ZNF655: variants seen among roughly 807,000 people sequenced by gnomAD.
The protein encoded by ZNF655 is Vav-interacting Kruppel-like protein 1.
A neutral mutation model predicts 6.6 loss-of-function variants in ZNF655; 3 were observed. The observed-to-expected ratio is 0.46, with a 90% CI of 0.21 to 1.18. ZNF655 has a LOEUF of 1.18. Ranked by LOEUF, ZNF655 falls within the 50% of genes most tolerant of loss-of-function variation. ZNF655 has a pLI of 0.24. For missense variants in ZNF655, 526 were observed against 572.3 expected (o/e 0.92, Z 0.83); for synonymous variants, 178 against 195.0 (o/e 0.91, Z 0.73).
At chr7:99,566,928 A>T (rs1803680586) in intron 2 of ZNF655, among the ~76,000 whole-genome samples, 1 of 150,282 alleles carries the variant, frequency 6.7e-6, no homozygotes, top group Non-Finnish European at 1.5e-5. Context: ...AAATAAAATA[A>T]TTTTTTTTTT....
chr7:99,564,872 C>T (rs375832154), intron 2 of ZNF655, among the ~76,000 whole-genome samples: 3 of 152,174 alleles, frequency 2.0e-5, no homozygotes. Context: ...GAGACACGCA[C>T]AGTGCAAGAA....
chr7:99,573,033 G>A lies in ZNF655; in HGVS notation c.925G>A (p.Glu309Lys). 1 of 1,614,124 alleles carries A rather than the reference G, an allele frequency of 6.2e-7. No homozygotes were observed. Among genetic ancestry groups the A allele is most frequent in the Non-Finnish European group, 8.5e-7 (1 of 1,179,998 alleles). Residue 309 changes from glutamate to lysine, a missense_variant, in exon 3 of 3, where the codon GAA becomes AAA. By Grantham distance (56) the Glu-to-Lys change is moderately conservative (BLOSUM62 1). Coordinates refer to ENST00000252713, the MANE Select transcript of ZNF655 (RefSeq NM_138494.3). ...RAKSYKCSSC[E>K]RVFSRSVHLT... is the part of the protein sequence containing the mutation. ...CAAATCTTACAAATGTAGCAGTTGT[G>A]AAAGAGTCTTCAGTCGTAGTGTCCA...
At chr7:99,560,435 T>C (rs1476307264) in intron 1 of ZNF655, 98 bp from the exon 2 acceptor site, 8 of 1,192,822 alleles carry the variant, frequency 6.7e-6, no homozygotes, top group Non-Finnish European at 8.0e-6. Flanking sequence ...TTTTATTGAA[T>C]ATCCATAGTG....
Position 99,572,519 on chromosome 7 carries a change from C to T in ZNF655, c.411C>T (p.Ser137=). ...ATGAATGTCATGAACCCGAAAAAAG[C>T]TTCAGTCTGGACTCTACTATTGATG... ...KNNECHEPEK[S]FSLDSTIDAD... Residue 137 remains serine, a synonymous_variant, in exon 3 of 3, where the codon AGC becomes AGT. Transcript: ENST00000252713. The T allele has an allele frequency of 6.2e-7, 1 of 1,613,984 alleles. No homozygotes were observed. The highest frequency in any genetic ancestry group is 8.5e-7 in the Non-Finnish European group (1 of 1,179,964).
rs1468152294 is a variant in ZNF655 at position 99,574,189 on chromosome 7, A to T, written c.*605A>T. On this transcript the variant is annotated 3_prime_UTR_variant, in exon 3 of 3. Transcript: ENST00000252713. Reference sequence around the variant, plus strand: ...AGAATTTGATGTAACGCAAATGGAAAAACTCGACACCACATTTCAGGCTTT... The same window carrying T: ...AGAATTTGATGTAACGCAAATGGAATAACTCGACACCACATTTCAGGCTTT... 1 of 152,252 alleles carries T rather than the reference A, an allele frequency of 6.6e-6. No individual in the cohort carries two copies. Among genetic ancestry groups the T allele is most frequent in the African/African-American group, 2.4e-5 (1 of 41,454 alleles). 9.4% of individuals were successfully genotyped at this position (152,252 alleles called of 1,614,324 possible).
intron 2 of ZNF655, chr7:99,561,974 G>C (rs368239230): frequency 3.2e-6 from 5 of 1,581,522 alleles, no homozygotes; most frequent in Admixed American, 1.8e-5. Flanking sequence ...CAGGTACCAG[G>C]TGAGCTGAGG....
At chr7:99,570,379 C>T (rs1047313049) in intron 2 of ZNF655, 1 of 152,190 alleles carries the variant, frequency 6.6e-6, no homozygotes, top group African/African-American at 2.4e-5. Flanking sequence ...CACAGGATTT[C>T]AGAAACACAG....
intron 2 of ZNF655, among the ~76,000 whole-genome samples, chr7:99,568,789 TTGAC>T (rs949076485): frequency 5.9e-5 from 9 of 151,560 alleles, no homozygotes; most frequent in South Asian, 2.1e-4. Context: ...TGTTGGTTGA[TTGAC>T]TGACTGACTG....
chr7:99,571,720 C>G lies in ZNF655; in HGVS notation c.137-525C>G, dbSNP rs766547001. 1.2e-6 allele frequency: 2 copies of G among 1,609,846 alleles called. No homozygotes were observed. The highest frequency in any genetic ancestry group is 3.3e-5 in the Admixed American group (2 of 59,736). On this transcript the variant is annotated intron_variant, in intron 2 of 2. Transcript: ENST00000252713. ...AATTTCCAAGCCTGATGGGATCTCCCAGCTGGAACAGGATCTACAGGTCTT... is the reference window on the plus strand; with the variant it reads ...AATTTCCAAGCCTGATGGGATCTCCGAGCTGGAACAGGATCTACAGGTCTT...
At position 99,570,663 on chromosome 7, in the gene ZNF655, C is replaced by G. The variant is rs573082028; in HGVS notation, c.137-1582C>G. ...GTATGAATGACAATACCTGAAACCA[C>G]TTAAAAAAAAATCTATGTAAACACC... On this transcript the variant is annotated intron_variant, in intron 2 of 2. Transcript: ENST00000252713. The G allele has an allele frequency of 2.6e-5, 4 of 152,162 alleles. No homozygotes were observed. The East Asian group carries it at 5.8e-4, about 22-fold the overall frequency. The allele number at this position is 152,162 out of a possible 1,614,324, so 9.4% of individuals were successfully genotyped here. A position where few individuals can be genotyped will look rare whatever the true frequency, so the allele number is the denominator to read the frequency against.
At position 99,574,532 on chromosome 7, in the gene ZNF655, G is replaced by T. The variant is rs1804291513; in HGVS notation, c.*948G>T. ...GCTGGGGTTACAGGCGTGTGTCACT[G>T]TGCTGGGCCTATTTTATTTATAGAA... On this transcript the variant is annotated 3_prime_UTR_variant, in exon 3 of 3. Transcript: ENST00000252713. 6.6e-6 allele frequency: 1 copy of T among 152,124 alleles called. No individual in the cohort carries two copies. The highest frequency in any genetic ancestry group is 1.5e-5 in the Non-Finnish European group (1 of 68,022). The allele number at this position is 152,124 out of a possible 1,614,324, so 9.4% of individuals were successfully genotyped here.
At position 99,572,520 on chromosome 7, in the gene ZNF655, T is replaced by G. The variant is rs746086228; in HGVS notation, c.412T>G (p.Phe138Val). Residue 138 changes from phenylalanine (F) to valine (V), a missense_variant, in exon 3 of 3, where the codon TTC becomes GTC. By Grantham distance (50) the Phe-to-Val change is conservative. Coordinates refer to ENST00000252713, the MANE Select transcript of ZNF655 (RefSeq NM_138494.3). ...TGAATGTCATGAACCCGAAAAAAGCTTCAGTCTGGACTCTACTATTGATGC... is the reference window on the plus strand; with the variant it reads ...TGAATGTCATGAACCCGAAAAAAGCGTCAGTCTGGACTCTACTATTGATGC... ...NNECHEPEKS[F>V]SLDSTIDADQ... 6.2e-7 allele frequency: 1 copy of G among 1,613,996 alleles called. No homozygotes were observed. Among genetic ancestry groups the G allele is most frequent in the Non-Finnish European group, 8.5e-7 (1 of 1,179,964 alleles).
intron 2 of ZNF655, among the ~76,000 whole-genome samples, chr7:99,565,123 A>G (rs1182719948): frequency 1.3e-5 from 2 of 152,034 alleles, no homozygotes; most frequent in East Asian, 3.9e-4. Flanking sequence ...CTCCAGCATA[A>G]CTGGGTTAAG....
In ZNF655 at chr7:99,576,048, T is replaced by G. The variant is rs1032637262; in HGVS notation, c.*2464T>G. 6.6e-6 allele frequency: 1 copy of G among 152,216 alleles called. No individual in the cohort carries two copies. Among genetic ancestry groups the G allele is most frequent in the African/African-American group, 2.4e-5 (1 of 41,458 alleles). The allele number at this position is 152,216 out of a possible 1,614,324, so 9.4% of individuals were successfully genotyped here. ...GTCAGTCCAGCAATTGAGGCTTTCA[T>G]AGTTCAGTGTTATAATATTCAGTAG... On this transcript the variant is annotated 3_prime_UTR_variant, in exon 3 of 3. Transcript: ENST00000252713.
At chr7:99,571,370 T>A in intron 2 of ZNF655, 1 of 1,251,136 alleles carries the variant, frequency 8.0e-7, no homozygotes, top group South Asian at 1.3e-5. Context: ...ATCCGAAGAT[T>A]AATCTTTAGG....
At position 99,575,824 on chromosome 7, in the gene ZNF655, T is replaced by TA. The variant is rs1804364551; in HGVS notation, c.*2241dup. On this transcript the variant is annotated 3_prime_UTR_variant, in exon 3 of 3. Coordinates refer to ENST00000252713, the MANE Select transcript of ZNF655 (RefSeq NM_138494.3). ...CCATTACCACATTTTTGTATTTTAATAGTCTACAGGCTATATAAAAGAACA... is the reference window on the plus strand; with the variant it reads ...CCATTACCACATTTTTGTATTTTAATAAGTCTACAGGCTATATAAAAGAACA... The TA allele has an allele frequency of 6.6e-6, 1 of 152,212 alleles. No individual in the cohort carries two copies. The allele number at this position is 152,212 out of a possible 1,614,324, so 9.4% of individuals were successfully genotyped here.
intron 2 of ZNF655, among the ~76,000 whole-genome samples, chr7:99,562,814 A>G (rs1436464407): frequency 6.6e-6 from 1 of 152,082 alleles, no homozygotes; most frequent in African/African-American, 2.4e-5. Context: ...CCATTTTTGT[A>G]GGAGAGACCC....
At position 99,568,137 on chromosome 7, in the gene ZNF655, C is replaced by T. The variant is rs547752402; in HGVS notation, c.137-4108C>T. ...TTAATATTTTGGAAAGAATAGCAAG[C>T]GATATGAGCCATAGACCAGATTTTT... is the stretch of plus-strand genomic sequence containing the variant. On this transcript the variant is annotated intron_variant, in intron 2 of 2. Transcript: ENST00000252713. Among the ~76,000 whole-genome samples, 6 of 150,940 alleles carry T rather than the reference C, an allele frequency of 4.0e-5. No homozygotes were observed. The East Asian group carries it at 7.7e-4, about 19-fold the overall frequency.
intron 1 of ZNF655, 164 bp from the exon 2 acceptor site, chr7:99,560,369 C>T (rs1459194494): frequency 8.5e-6 from 5 of 591,654 alleles, no homozygotes; most frequent in East Asian, 4.2e-5. Flanking sequence ...CAGGCCACTG[C>T]GCCTGGCCCC....
Sources: gnomAD v4.1 joint callset for allele counts (sites outside exome capture counted in the v4.1 genomes callset) on GRCh38, gnomAD v4.1.1 for gene constraint, MANE v1.5 for transcripts, NCBI Gene and HGNC (gene_info 2026-07-23, HGNC 2026-07-21) for gene names.